Variants in LCA5 observed in about 807,000 individuals in gnomAD.
The protein encoded by LCA5 is lebercilin LCA5.
In LCA5, 37 loss-of-function variants were observed where a neutral mutation model predicts 53.0. The observed-to-expected ratio is 0.70, with a 90% confidence interval of 0.54 to 0.92. The LOEUF (loss-of-function observed/expected upper bound fraction) is 0.92, where lower values mean the gene tolerates loss of function less well. Among genes scored for constraint, LCA5 ranks in the 40% least tolerant of loss-of-function variants. The pLI is 0.00. For synonymous variants in LCA5, 303 were observed against 282.9 expected, an observed-to-expected ratio of 1.07 and a Z score of -0.71; for missense variants, 806 against 790.5, an observed-to-expected ratio of 1.02 and a Z score of -0.23.
At chr6:79,505,501 G>A (rs772947866) in intron 3 of LCA5, among the ~76,000 whole-genome samples, 1 of 152,044 alleles carries the variant, frequency 6.6e-6, no homozygotes, top group African/African-American at 2.4e-5. Flanking sequence ...CATATGAAAG[G>A]TTTGAAAGTA....
intron 3 of LCA5, among the ~76,000 whole-genome samples, chr6:79,496,567 C>T (rs1475574851): frequency 6.6e-6 from 1 of 151,904 alleles, no homozygotes; most frequent in Non-Finnish European, 1.5e-5. Flanking sequence ...GCTAAAGAAA[C>T]CAGGAATAAA....
At chr6:79,510,548 G>C (rs1361427324) in intron 3 of LCA5, among the ~76,000 whole-genome samples, 1 of 152,102 alleles carries the variant, frequency 6.6e-6, no homozygotes, top group Non-Finnish European at 1.5e-5. Context: ...TGTTAGACTT[G>C]ACACCAAAGC....
At chr6:79,491,261 T>A (rs181410867) in intron 6 of LCA5, among the ~76,000 whole-genome samples, 50 of 152,112 alleles carry the variant, frequency 3.3e-4, no homozygotes, top group African/African-American at 1.2e-3. Flanking sequence ...ACTAAAACAC[T>A]CAAGCCAAAG....
At position 79,489,114 on chromosome 6, in the gene LCA5, C is replaced by G; in HGVS notation, c.1201G>C (p.Val401Leu). ...TCCAGCTTTTCAACCTCCTGTTTTA[C>G]GACATGGAGTTCTTCATCTGTAACA... The part of the protein sequence containing the change: ...KFVTDEELHV[V>L]KQEVEKLEDE... The change falls in exon 7 of 8, where the codon GTA (valine) becomes CTA (leucine). Residue 401 changes from valine (V) to leucine (L), a missense_variant. Transcript: ENST00000369846. 1.2e-6 allele frequency: 2 copies of G among 1,613,204 alleles called. No homozygotes were observed. Among genetic ancestry groups the G allele is most frequent in the South Asian group, 1.1e-5 (1 of 91,056 alleles).
At chr6:79,501,586 A>G (rs62411353) in intron 3 of LCA5, among the ~76,000 whole-genome samples, 68 of 152,098 alleles carry the variant, frequency 4.5e-4, no homozygotes, top group Admixed American at 1.9e-3. Flanking sequence ...CCATTAAAAT[A>G]CAAACATGAA....
At chr6:79,514,540 T>G (rs770978232) in intron 2 of LCA5, among the ~76,000 whole-genome samples, 2 of 152,166 alleles carry the variant, frequency 1.3e-5, no homozygotes, top group Admixed American at 6.6e-5. Context: ...GAAATCATTC[T>G]ATTTTAAAGA....
In LCA5 at chr6:79,486,909, G is replaced by T; in HGVS notation, c.*95C>A. 3 of 1,019,606 alleles carry T rather than the reference G, an allele frequency of 2.9e-6. No homozygotes were observed. Among genetic ancestry groups the T allele is most frequent in the South Asian group, 3.3e-5 (2 of 60,112 alleles). 63.2% of individuals were successfully genotyped at this position (1,019,606 alleles called of 1,614,324 possible). On this transcript the variant is annotated 3_prime_UTR_variant, in exon 8 of 8. Coordinates refer to ENST00000369846, the MANE Select transcript of LCA5 (RefSeq NM_001122769.3). The stretch of plus-strand genomic sequence containing the variant: ...CTATTAAAAATCATTCCTTAATAAG[G>T]ACATTTTAGCATTAAAAAGTCTAAA...
At chr6:79,531,086 A>T (rs1286799031) in intron 1 of LCA5, among the ~76,000 whole-genome samples, 1 of 152,136 alleles carries the variant, frequency 6.6e-6, no homozygotes, top group Non-Finnish European at 1.5e-5. Flanking sequence ...CTGGTCTAAG[A>T]TCAGAAAGCT....
At chr6:79,515,938 G>GCCA (rs1175501047) in intron 2 of LCA5, among the ~76,000 whole-genome samples, 2 of 152,004 alleles carry the variant, frequency 1.3e-5, no homozygotes, top group African/African-American at 4.8e-5. Context: ...GGTAGCCACT[G>GCCA]CCACATACAG....
chr6:79,533,635 C>CA (rs200414903), intron 1 of LCA5, among the ~76,000 whole-genome samples: 3,298 of 133,004 alleles, frequency 0.025, 122 homozygotes, highest in African/African-American at 0.083. Flanking sequence ...CATAACAGGT[C>CA]AAAAAAAAAA....
At chr6:79,523,616 G>T (rs760336529) in intron 1 of LCA5, among the ~76,000 whole-genome samples, 3 of 152,176 alleles carry the variant, frequency 2.0e-5, no homozygotes, top group African/African-American at 4.8e-5. Context: ...ACAACTTTCA[G>T]TTTAAATTCC....
At chr6:79,498,103 T>A (rs1263302490) in intron 3 of LCA5, among the ~76,000 whole-genome samples, 1 of 151,968 alleles carries the variant, frequency 6.6e-6, no homozygotes, top group Non-Finnish European at 1.5e-5. Context: ...TAATCCCTAT[T>A]CTGAAAAAAT....
At chr6:79,530,273 G>A (rs1311293417) in intron 1 of LCA5, among the ~76,000 whole-genome samples, 2 of 152,072 alleles carry the variant, frequency 1.3e-5, no homozygotes, top group Non-Finnish European at 2.9e-5. Context: ...AAAACCAAAT[G>A]CCATTATGCC....
rs186274071 is a variant in LCA5, at chr6:79,514,701, G to T, written c.191-960C>A. On this transcript the variant is annotated intron_variant, in intron 2 of 7. Transcript: ENST00000369846. ...CAGCCATAAGAAAGAATGAGATCAT[G>T]TTCTTTGCAGGTTCGTGAATGGAAC... is the stretch of plus-strand genomic sequence containing the variant. 1.9e-4 allele frequency among the ~76,000 whole-genome samples: 29 copies of T among 152,268 alleles called. 1 individual carries two copies. The East Asian group carries it at 4.6e-3, about 24-fold the overall frequency.
chr6:79,526,814 A>G (rs1766803767), intron 1 of LCA5, among the ~76,000 whole-genome samples: 1 of 152,198 alleles, frequency 6.6e-6, no homozygotes, highest in African/African-American at 2.4e-5. Flanking sequence ...ACTCCTTAGG[A>G]TTAGAACAGC....
intron 1 of LCA5, among the ~76,000 whole-genome samples, chr6:79,536,492 C>T (rs1045027369): frequency 2.0e-5 from 3 of 152,234 alleles, no homozygotes; most frequent in African/African-American, 7.2e-5. Context: ...CTGTTAAACA[C>T]TATCCCACGG....
chr6:79,491,566 AT>A, intron 6 of LCA5, 21 bp downstream of exon 6: 1 of 1,611,852 alleles, frequency 6.2e-7, no homozygotes, highest in Non-Finnish European at 8.5e-7. Flanking sequence ...AGTTTGGTAC[AT>A]AACAATACTG....
At chr6:79,530,992 A>G (rs1163806409) in intron 1 of LCA5, among the ~76,000 whole-genome samples, 3 of 152,210 alleles carry the variant, frequency 2.0e-5, no homozygotes, top group African/African-American at 7.2e-5. Flanking sequence ...ATAACAATTT[A>G]TCACTGGACA....
At position 79,487,815 on chromosome 6, in the gene LCA5, A is replaced by C. The variant is rs762669053; in HGVS notation, c.1283T>G (p.Leu428Arg). 6.2e-7 allele frequency: 1 copy of C among 1,610,134 alleles called. No homozygotes were observed. Among genetic ancestry groups the C allele is most frequent in the Admixed American group, 1.7e-5 (1 of 59,428 alleles). ...CCACTCTGGCTTTTCTTCTCTTTCC[A>C]GTAAAGATGCCTTTTCTTTTTGCTT... ...DKKQKEKASLLEREEKPEWET... is the reference protein window; with the variant it reads ...DKKQKEKASLREREEKPEWET... The change falls in exon 8 of 8, where the codon CTG becomes CGG. Residue 428 changes from leucine (L) to arginine (R), a missense_variant. Physicochemically the swap from Leu to Arg is moderately radical, Grantham distance 102. Coordinates refer to ENST00000369846, the MANE Select transcript of LCA5 (RefSeq NM_001122769.3).
Sources: gnomAD v4.1 joint callset for allele counts (sites outside exome capture counted in the v4.1 genomes callset) on GRCh38, gnomAD v4.1.1 for gene constraint, MANE v1.5 for transcripts, NCBI Gene and HGNC (gene_info 2026-07-23, HGNC 2026-07-21) for gene names.